DPYD: variants seen among roughly 807,000 people sequenced by gnomAD.
The protein encoded by DPYD is dihydropyrimidine dehydrogenase, also known as dihydropyrimidine dehydrogenase [NADP(+)].
A neutral mutation model predicts 116.2 loss-of-function variants in DPYD; 109 were observed. The ratio of observed to expected loss-of-function variants is 0.94; its 90% CI spans 0.80 to 1.10. DPYD has a LOEUF of 1.10. Among genes scored for constraint, DPYD ranks in the 50% least tolerant of loss-of-function variants. DPYD has a pLI of 0.00. For missense variants in DPYD, 1,302 were observed against 1,254.5 expected (o/e 1.04, Z -0.57); for synonymous variants, 440 against 432.0 (o/e 1.02, Z -0.23).
intron 20 of DPYD, among the ~76,000 whole-genome samples, chr1:97,111,257 T>C (rs1038962734): frequency 6.6e-6 from 1 of 152,112 alleles, no homozygotes; most frequent in African/African-American, 2.4e-5. Flanking sequence ...TTGTCTTAAA[T>C]AGAAACTATG....
intron 20 of DPYD, among the ~76,000 whole-genome samples, chr1:97,178,379 C>T (rs750300453): frequency 2.6e-5 from 4 of 152,162 alleles, no homozygotes; most frequent in Non-Finnish European, 5.9e-5. Context: ...CACAATTCTG[C>T]ACTGCTGAGG....
At chr1:97,635,112 C>T (rs1657488901) in intron 8 of DPYD, among the ~76,000 whole-genome samples, 1 of 151,814 alleles carries the variant, frequency 6.6e-6, no homozygotes, top group South Asian at 2.1e-4. Flanking sequence ...AGTGGCACTG[C>T]CTCAGGCCCA....
intron 13 of DPYD, among the ~76,000 whole-genome samples, chr1:97,469,961 G>C (rs183977277): frequency 1.3e-5 from 2 of 152,060 alleles, no homozygotes; most frequent in Non-Finnish European, 2.9e-5. Context: ...CATTTTCATC[G>C]TTCTTGCAAA....
chr1:97,570,306 G>C (rs1189176993), intron 11 of DPYD, among the ~76,000 whole-genome samples: 1 of 151,918 alleles, frequency 6.6e-6, no homozygotes, highest in Admixed American at 6.6e-5. Context: ...AGAGACTTCT[G>C]AGAGTGTAAT....
At chr1:97,559,002 A>G (rs1225652619) in intron 11 of DPYD, among the ~76,000 whole-genome samples, 1 of 152,150 alleles carries the variant, frequency 6.6e-6, no homozygotes, top group Non-Finnish European at 1.5e-5. Flanking sequence ...ATATTCAATG[A>G]TACCATCTCT....
intron 16 of DPYD, among the ~76,000 whole-genome samples, chr1:97,368,991 T>G (rs75916323): frequency 0.028 from 4,231 of 152,260 alleles, 89 homozygotes; most frequent in Non-Finnish European, 0.045. Context: ...TACAAAGGCC[T>G]ACTCGAGGTC....
chr1:97,690,194 G>A (rs745813224), intron 7 of DPYD, among the ~76,000 whole-genome samples: 5 of 151,876 alleles, frequency 3.3e-5, no homozygotes, highest in African/African-American at 9.7e-5. Flanking sequence ...TTTGAACAAC[G>A]TTCTAGATAT....
At chr1:97,294,059 T>C (rs2100997470) in intron 18 of DPYD, among the ~76,000 whole-genome samples, 1 of 152,228 alleles carries the variant, frequency 6.6e-6, no homozygotes, top group African/African-American at 2.4e-5. Context: ...CTTTCATAAA[T>C]TCTGGAGGAG....
intron 18 of DPYD, among the ~76,000 whole-genome samples, chr1:97,304,157 G>C (rs1268368771): frequency 6.6e-6 from 1 of 151,964 alleles, no homozygotes; most frequent in Non-Finnish European, 1.5e-5. Flanking sequence ...AACATGGCAG[G>C]CTGGAAAAAT....
intron 7 of DPYD, among the ~76,000 whole-genome samples, chr1:97,684,562 GA>G (rs202231273): frequency 4.2e-5 from 6 of 144,446 alleles, no homozygotes; most frequent in Non-Finnish European, 9.1e-5. Context: ...CTGGTTTTTT[GA>G]AAAAAAAATA....
chr1:97,383,492 A>G (rs1166895014), intron 14 of DPYD, among the ~76,000 whole-genome samples: 5 of 151,740 alleles, frequency 3.3e-5, no homozygotes, highest in South Asian at 2.1e-4. Flanking sequence ...AAAAAAAGAA[A>G]AAAAGAAAAA....
chr1:97,882,184 G>T (rs1672259786), intron 2 of DPYD, among the ~76,000 whole-genome samples: 1 of 151,908 alleles, frequency 6.6e-6, no homozygotes, highest in Admixed American at 6.6e-5. Context: ...CATCATGATA[G>T]AAAACAAAGC....
intron 14 of DPYD, among the ~76,000 whole-genome samples, chr1:97,412,270 C>T (rs1436826273): frequency 6.6e-6 from 1 of 152,180 alleles, no homozygotes; most frequent in African/African-American, 2.4e-5. Flanking sequence ...ACACTGAAGG[C>T]TTGAAAACAA....
At chr1:97,787,638 TA>T (rs1333993264) in intron 3 of DPYD, among the ~76,000 whole-genome samples, 1 of 151,260 alleles carries the variant, frequency 6.6e-6, no homozygotes, top group Non-Finnish European at 1.5e-5. Flanking sequence ...CATTTGTTCA[TA>T]AAAAAGAAAA....
chr1:97,831,805 G>A (rs1669548993), intron 2 of DPYD, among the ~76,000 whole-genome samples: 1 of 151,808 alleles, frequency 6.6e-6, no homozygotes, highest in South Asian at 2.1e-4. Flanking sequence ...AATAATCAGT[G>A]ATTAGTAATA....
In DPYD at chr1:97,287,862, C is replaced by T. The variant is rs1320446511; in HGVS notation, c.2299+17397G>A. On this transcript the variant is annotated intron_variant, in intron 18 of 22. Coordinates refer to ENST00000370192, the MANE Select transcript of DPYD (RefSeq NM_000110.4). ...CTTTCTTTGACTAGGAAAGGGAACT[C>T]CCTAGCCCCTTGCAAGACACAGACT... 2.0e-5 allele frequency among the ~76,000 whole-genome samples: 3 copies of T among 152,106 alleles called. No individual in the cohort carries two copies. In the South Asian group the frequency reaches 6.2e-4, roughly 32 times the overall value.
At chr1:97,288,235 T>G (rs1310307101) in intron 18 of DPYD, among the ~76,000 whole-genome samples, 2 of 147,504 alleles carry the variant, frequency 1.4e-5, no homozygotes, top group African/African-American at 5.1e-5. Context: ...ACAATAATAA[T>G]GGGAGAATTT....
intron 20 of DPYD, among the ~76,000 whole-genome samples, chr1:97,116,622 G>T (rs1557872051): frequency 6.6e-6 from 1 of 151,966 alleles, no homozygotes; most frequent in Non-Finnish European, 1.5e-5. Context: ...CAGGGAGCCA[G>T]GATTGTGTCA....
At chr1:97,634,051 C>G (rs1036672764) in intron 8 of DPYD, among the ~76,000 whole-genome samples, 1 of 151,978 alleles carries the variant, frequency 6.6e-6, no homozygotes, top group Non-Finnish European at 1.5e-5. Context: ...GGCTTCAGCT[C>G]GAAAATCATC....
Sources: gnomAD v4.1 joint callset for allele counts (sites outside exome capture counted in the v4.1 genomes callset) on GRCh38, gnomAD v4.1.1 for gene constraint, MANE v1.5 for transcripts, NCBI Gene and HGNC (gene_info 2026-07-23, HGNC 2026-07-21) for gene names.